The following SUSD1 variants were observed in gnomAD, a reference collection of about 807,000 sequenced individuals.
The protein encoded by SUSD1 is sushi domain-containing protein 1.
In SUSD1, 65 loss-of-function variants were observed where a neutral mutation model predicts 86.9. The ratio of observed to expected loss-of-function variants is 0.75; its 90% CI spans 0.61 to 0.92. SUSD1 has a LOEUF of 0.92. Among genes scored for constraint, SUSD1 ranks in the 40% least tolerant of loss-of-function variants. The pLI is 0.00. For missense variants in SUSD1, 850 were observed against 929.7 expected, an observed-to-expected ratio of 0.91 and a Z score of 1.11; for synonymous variants, 346 against 350.0, an observed-to-expected ratio of 0.99 and a Z score of 0.13.
chr9:112,072,039 G>A (rs1253665505), intron 12 of SUSD1, among the ~76,000 whole-genome samples: 4 of 151,812 alleles, frequency 2.6e-5, no homozygotes, highest in African/African-American at 9.7e-5. Flanking sequence ...GGCAGCACAG[G>A]TCTTTGTACA....
intron 1 of SUSD1, among the ~76,000 whole-genome samples, chr9:112,159,675 G>C (rs970127472): frequency 1.3e-5 from 2 of 151,926 alleles, no homozygotes; most frequent in African/African-American, 4.8e-5. Context: ...TAGGACAAAG[G>C]GAATATCAAA....
At chr9:112,086,042 A>G (rs538350199) in intron 10 of SUSD1, among the ~76,000 whole-genome samples, 1 of 152,082 alleles carries the variant, frequency 6.6e-6, no homozygotes. Flanking sequence ...AGTAGCTCAC[A>G]CCTGTAATCC....
chr9:112,126,913 C>T (rs1831798324), intron 5 of SUSD1, among the ~76,000 whole-genome samples: 1 of 152,100 alleles, frequency 6.6e-6, no homozygotes, highest in Non-Finnish European at 1.5e-5. Context: ...AAGTATAAAG[C>T]ATTAATAGTC....
At chr9:112,135,775 C>T (rs969262704) in intron 5 of SUSD1, among the ~76,000 whole-genome samples, 3 of 152,162 alleles carry the variant, frequency 2.0e-5, no homozygotes, top group African/African-American at 7.2e-5. Flanking sequence ...TGCTCATGAC[C>T]GTGACATTGA....
intron 9 of SUSD1, among the ~76,000 whole-genome samples, chr9:112,099,336 C>T (rs1224029163): frequency 6.6e-6 from 1 of 152,088 alleles, no homozygotes; most frequent in Non-Finnish European, 1.5e-5. Flanking sequence ...CCATTGCACC[C>T]AACCAAAATT....
chr9:112,151,089 C>G (rs1403276586), intron 2 of SUSD1, among the ~76,000 whole-genome samples: 1 of 152,210 alleles, frequency 6.6e-6, no homozygotes, highest in African/African-American at 2.4e-5. Context: ...ACTACAGGCA[C>G]AAGCCATCGT....
chr9:112,175,261 C>T lies in SUSD1; in HGVS notation c.-26G>A. On this transcript the variant is annotated 5_prime_UTR_variant, in exon 1 of 17. Coordinates refer to ENST00000374270, the MANE Select transcript of SUSD1 (RefSeq NM_022486.5). This position sits in a 1 kb window ranked among gnomAD's most constrained non-coding sequence, Gnocchi z 4.7. The stretch of plus-strand genomic sequence containing the variant: ...GCCGCCGCCGGTCCCTCCCGGCGCG[C>T]CCGCGCCTCCTCCCGGGGCCCTCAG... 1 of 1,143,344 alleles carries T rather than the reference C, an allele frequency of 8.7e-7. No individual in the cohort carries two copies. The highest frequency in any genetic ancestry group is 4.3e-5 in the South Asian group (1 of 23,458). The allele number at this position is 1,143,344 out of a possible 1,614,324, so 70.8% of individuals were successfully genotyped here. A position where few individuals can be genotyped will look rare whatever the true frequency, so the allele number is the denominator to read the frequency against.
chr9:112,105,295 C>T (rs897250718), intron 8 of SUSD1, among the ~76,000 whole-genome samples: 18 of 151,230 alleles, frequency 1.2e-4, no homozygotes, highest in Admixed American at 8.6e-4. Flanking sequence ...CCAGTGTGGA[C>T]GAACAAGCAA....
At chr9:112,085,882 G>A (rs1228601171) in intron 10 of SUSD1, among the ~76,000 whole-genome samples, 4 of 152,242 alleles carry the variant, frequency 2.6e-5, no homozygotes, top group South Asian at 4.2e-4. Context: ...GCAGTAAGCC[G>A]AGATTGCACC....
Position 112,058,676 on chromosome 9 carries a change from C to T in SUSD1, c.1861G>A (p.Val621Met). 7 of 1,614,146 alleles carry T rather than the reference C, an allele frequency of 4.3e-6. No homozygotes were observed. The highest frequency in any genetic ancestry group is 5.9e-6 in the Non-Finnish European group (7 of 1,180,008). ...EKNGPISSYQVLVLPLALQST... is the reference protein window; with the variant it reads ...EKNGPISSYQMLVLPLALQST... ...TGGAGGGCCAGGGGAAGCACTAACACCTGATATGAACTGGAAGAAAAAAGG... is the reference window on the plus strand; with the variant it reads ...TGGAGGGCCAGGGGAAGCACTAACATCTGATATGAACTGGAAGAAAAAAGG... The change falls in exon 14 of 17, where the codon GTG becomes ATG. Residue 621 changes from valine (V) to methionine (M), a missense_variant. By Grantham distance (21) the Val-to-Met change is conservative. Transcript: ENST00000374270.
intron 8 of SUSD1, among the ~76,000 whole-genome samples, chr9:112,106,487 G>A (rs1830846301): frequency 1.3e-5 from 2 of 151,972 alleles, no homozygotes; most frequent in African/African-American, 2.4e-5. Context: ...CCTCCCTGAG[G>A]AGCAGGCAAA....
In SUSD1 at chr9:112,102,267, T is replaced by A; in HGVS notation, c.1190A>T (p.Asp397Val). ...TATTGAAATATTGAAACTTCCATCATCTTCTAAGAGATCAACTTCTAAAAG... is the reference window on the plus strand; with the variant it reads ...TATTGAAATATTGAAACTTCCATCAACTTCTAAGAGATCAACTTCTAAAAG... ...FQTAEVDLLEDDGSFNISIFN... is the reference protein window; with the variant it reads ...FQTAEVDLLEVDGSFNISIFN... The change falls in exon 9 of 17, where the codon GAT becomes GTT. Residue 397 changes from aspartate to valine, a missense_variant. By Grantham distance (152) the Asp-to-Val change is radical. Coordinates refer to ENST00000374270, the MANE Select transcript of SUSD1 (RefSeq NM_022486.5). 6.3e-7 allele frequency: 1 copy of A among 1,579,082 alleles called. No individual in the cohort carries two copies. The highest frequency in any genetic ancestry group is 8.6e-7 in the Non-Finnish European group (1 of 1,158,386).
intron 12 of SUSD1, among the ~76,000 whole-genome samples, chr9:112,071,284 A>G (rs1411953531): frequency 6.6e-6 from 1 of 152,152 alleles, no homozygotes; most frequent in South Asian, 2.1e-4. Flanking sequence ...CAACATAGTA[A>G]GACCTCATCT....
chr9:112,080,857 C>A (rs1038984107), intron 10 of SUSD1, among the ~76,000 whole-genome samples: 1 of 152,162 alleles, frequency 6.6e-6, no homozygotes, highest in African/African-American at 2.4e-5. Flanking sequence ...AGCAACATTT[C>A]AGCAGAGAAT....
chr9:112,078,589 C>G lies in SUSD1; in HGVS notation c.1702G>C (p.Ala568Pro), dbSNP rs999423020. Residue 568 changes from alanine (A) to proline (P), a missense_variant, in exon 12 of 17, where the codon GCT becomes CCT. Transcript: ENST00000374270. ...ACCACAGGAAGTTCCGAAGACAGAG[C>G]CCGGAGACTGACATTGTAGTTGGTA... is the stretch of plus-strand genomic sequence containing the variant. ...PGTNYNVSLR[A>P]LSSELPVVIS... 26 of 1,613,892 alleles carry G rather than the reference C, an allele frequency of 1.6e-5. No homozygotes were observed. The highest frequency in any genetic ancestry group is 2.1e-5 in the Non-Finnish European group (25 of 1,179,832).
chr9:112,168,361 T>C (rs1389666846), intron 1 of SUSD1, among the ~76,000 whole-genome samples: 1 of 152,168 alleles, frequency 6.6e-6, no homozygotes, highest in African/African-American at 2.4e-5. Flanking sequence ...AATATTCAAA[T>C]TTACATAATC....
chr9:112,084,672 G>A (rs1037694343), intron 10 of SUSD1, among the ~76,000 whole-genome samples: 1 of 152,180 alleles, frequency 6.6e-6, no homozygotes, highest in Non-Finnish European at 1.5e-5. Context: ...AGGATCCCCA[G>A]TAGAGCTCAT....
intron 12 of SUSD1, among the ~76,000 whole-genome samples, chr9:112,071,685 G>T (rs1012242649): frequency 6.6e-6 from 1 of 152,054 alleles, no homozygotes; most frequent in African/African-American, 2.4e-5. Context: ...ACTAAGCAAC[G>T]TCTCCAACTT....
Position 112,117,768 on chromosome 9 carries a change from C to T in SUSD1, c.887-4900G>A, listed in dbSNP as rs1295783246. On this transcript the variant is annotated intron_variant, in intron 6 of 16. Transcript: ENST00000374270. ...GTGCCTTAAATATAGATACTAAAAA[C>T]TATGTATTATTTGGTTGAACTGGTT... is the stretch of plus-strand genomic sequence containing the variant. Among the ~76,000 whole-genome samples, 3 of 152,108 alleles carry T rather than the reference C, an allele frequency of 2.0e-5. No homozygotes were observed. In the East Asian group the frequency reaches 5.8e-4, roughly 29 times the overall value.
Sources: allele counts gnomAD v4.1 joint callset (sites outside exome capture counted in the v4.1 genomes callset), GRCh38; gene constraint gnomAD v4.1.1; non-coding constraint Gnocchi (gnomAD v3.1); transcripts MANE v1.5; gene names NCBI Gene and HGNC (gene_info 2026-07-23, HGNC 2026-07-21).